The following ZNF536 variants were observed in gnomAD, a reference collection of about 807,000 sequenced individuals.
ZNF536 encodes zinc finger protein 536.
ZNF536 carries 13 observed loss-of-function variants against 84.5 expected under a neutral mutation model. The ratio of observed to expected loss-of-function variants is 0.15; its 90% CI spans 0.10 to 0.24. ZNF536 has a LOEUF of 0.24. Ranked by LOEUF, ZNF536 falls within the 10% of genes least tolerant of loss-of-function variation. ZNF536 has a pLI of 1.00. For synonymous variants in ZNF536, 811 were observed against 742.5 expected, an observed-to-expected ratio of 1.09 and a Z score of -1.50; for missense variants, 1,536 against 1,747.5, an observed-to-expected ratio of 0.88 and a Z score of 2.16.
intron 1 of ZNF536, chr19:30,668,751 T>A (rs1257612392): frequency 6.6e-6 from 1 of 152,290 alleles, no homozygotes; most frequent in African/African-American, 2.4e-5. Flanking sequence ...AGGTGCCCAG[T>A]TCTTGGCTGG....
chr19:30,281,524 G>A (rs2045443975), intron 1 of ZNF536, among the ~76,000 whole-genome samples: 1 of 141,988 alleles, frequency 7.0e-6, no homozygotes, highest in Non-Finnish European at 1.6e-5. Flanking sequence ...GGTATCTGAT[G>A]GGCAGACCTG....
At chr19:30,501,908 G>C (rs554136312) in intron 2 of ZNF536, among the ~76,000 whole-genome samples, 1 of 152,202 alleles carries the variant, frequency 6.6e-6, no homozygotes, top group Non-Finnish European at 1.5e-5. Context: ...TGGAACACTA[G>C]GCATAAATGG....
chr19:30,451,139 G>T (rs1195487053), intron 2 of ZNF536, among the ~76,000 whole-genome samples: 1 of 152,270 alleles, frequency 6.6e-6, no homozygotes, highest in African/African-American at 2.4e-5. Context: ...AAGCCGGCTG[G>T]TCAGGTGGCT....
chr19:30,602,886 T>C (rs1449519931), intron 1 of ZNF536, among the ~76,000 whole-genome samples: 1 of 152,208 alleles, frequency 6.6e-6, no homozygotes, highest in Non-Finnish European at 1.5e-5. Flanking sequence ...GAAAAGCTGC[T>C]TAAAAATAAT....
At chr19:30,617,106 T>C (rs542121525) in intron 1 of ZNF536, among the ~76,000 whole-genome samples, 1 of 151,986 alleles carries the variant, frequency 6.6e-6, no homozygotes, top group African/African-American at 2.4e-5. Flanking sequence ...TGCTTTCTTA[T>C]TGAATAGCCT....
At position 30,548,381 on chromosome 19, in the gene ZNF536, T is replaced by C. The variant is rs1568540740; in HGVS notation, c.2762T>C (p.Phe921Ser). ...GVNFQGSLQA[F>S]MDSFVLSSLK... Reference sequence around the variant, plus strand: ...AATTTCCAAGGGTCCTTGCAAGCTTTCATGGACAGTTTTGTCCTCAGTTCC... The same window carrying C: ...AATTTCCAAGGGTCCTTGCAAGCTTCCATGGACAGTTTTGTCCTCAGTTCC... Residue 921 changes from phenylalanine (F) to serine (S), a missense_variant, in exon 4 of 5, where the codon TTC becomes TCC. Phe to Ser is a radical substitution (Grantham distance 155, BLOSUM62 -2). Transcript: ENST00000355537. The C allele has an allele frequency of 1.2e-6, 2 of 1,613,988 alleles. No individual in the cohort carries two copies. Among genetic ancestry groups the C allele is most frequent in the Non-Finnish European group, 1.7e-6 (2 of 1,179,982 alleles).
rs537317560 is a variant in ZNF536, at chr19:30,707,722, A to G, written c.170-3035A>G. The stretch of plus-strand genomic sequence containing the variant: ...CAGAAGCACTATCCAAAAATGTGTA[A>G]TTCCTGGCAGGGCATGGTGGCTCAC... On this transcript the variant is annotated intron_variant, in intron 1 of 1. Transcript: ENST00000592773. Among the ~76,000 whole-genome samples, 16 of 152,290 alleles carry G rather than the reference A, an allele frequency of 1.1e-4. 1 individual carries two copies. The South Asian group carries it at 3.3e-3, about 32-fold the overall frequency.
At position 30,445,619 on chromosome 19, in the gene ZNF536, C is replaced by G. The variant is rs2148231867; in HGVS notation, c.2057C>G (p.Ser686Cys). 3 of 1,612,836 alleles carry G rather than the reference C, an allele frequency of 1.9e-6. No individual in the cohort carries two copies. Among genetic ancestry groups the G allele is most frequent in the Non-Finnish European group, 2.5e-6 (3 of 1,179,648 alleles). Residue 686 changes from serine (S) to cysteine (C), a missense_variant, in exon 2 of 5, where the codon TCC becomes TGC. Coordinates refer to ENST00000355537, the MANE Select transcript of ZNF536 (RefSeq NM_014717.3). This position sits in a 1 kb window ranked among gnomAD's most constrained non-coding sequence, Gnocchi z 4.5. The stretch of plus-strand genomic sequence containing the variant: ...CAGGAGTCCCAGTCGGTGAGCCGCT[C>G]CACCACGCCGGGCTCCTCTAACGTC... ...SDQESQSVSRSTTPGSSNVTE... is the reference protein window; with the variant it reads ...SDQESQSVSRCTTPGSSNVTE...
At chr19:30,599,969 A>G (rs901534883) in intron 1 of ZNF536, among the ~76,000 whole-genome samples, 4 of 140,286 alleles carry the variant, frequency 2.9e-5, no homozygotes, top group African/African-American at 1.0e-4. Context: ...TGATACAACA[A>G]TTTCCACGGA....
intron 1 of ZNF536, among the ~76,000 whole-genome samples, chr19:30,669,611 T>C (rs1219493028): frequency 6.6e-6 from 1 of 152,154 alleles, no homozygotes; most frequent in Non-Finnish European, 1.5e-5. Flanking sequence ...AATCCCGAGA[T>C]GGCCGCAAGA....
intron 1 of ZNF536, among the ~76,000 whole-genome samples, chr19:30,411,749 T>C (rs1434485034): frequency 6.6e-6 from 1 of 152,130 alleles, no homozygotes; most frequent in Non-Finnish European, 1.5e-5. Flanking sequence ...GTCTTTTTAT[T>C]CTTTCTTAAA....
At chr19:30,568,335 G>T (rs1245113168) in intron 1 of ZNF536, among the ~76,000 whole-genome samples, 1 of 152,176 alleles carries the variant, frequency 6.6e-6, no homozygotes, top group African/African-American at 2.4e-5. Flanking sequence ...CACCTCACGA[G>T]ACCTTGGATA....
At chr19:30,615,673 C>T (rs1007557257) in intron 1 of ZNF536, among the ~76,000 whole-genome samples, 2 of 151,672 alleles carry the variant, frequency 1.3e-5, no homozygotes, top group Admixed American at 6.6e-5. Context: ...TCGGGGGTGG[C>T]AGGGGGAGGA....
chr19:30,601,767 G>A (rs1397251572), intron 1 of ZNF536, among the ~76,000 whole-genome samples: 1 of 152,152 alleles, frequency 6.6e-6, no homozygotes, highest in Non-Finnish European at 1.5e-5. Context: ...GTCTGGGACG[G>A]GTATGTCCTG....
At chr19:30,522,937 G>A (rs746751398) in intron 2 of ZNF536, among the ~76,000 whole-genome samples, 5 of 152,170 alleles carry the variant, frequency 3.3e-5, no homozygotes, top group Non-Finnish European at 5.9e-5. Context: ...CTAACGACCT[G>A]CCGCTTCATC....
intron 2 of ZNF536, among the ~76,000 whole-genome samples, chr19:30,455,378 A>G (rs901926633): frequency 2.0e-5 from 3 of 152,176 alleles, no homozygotes; most frequent in Non-Finnish European, 4.4e-5. Flanking sequence ...GTAAAGATCG[A>G]ATCAGGGTAA....
At chr19:30,379,339 A>G (rs1371800837) in intron 1 of ZNF536, among the ~76,000 whole-genome samples, 1 of 152,086 alleles carries the variant, frequency 6.6e-6, no homozygotes, top group Non-Finnish European at 1.5e-5. Flanking sequence ...GCTGCCCGGC[A>G]TGATGACAGT....
At chr19:30,402,141 A>G (rs1271226800) in intron 1 of ZNF536, among the ~76,000 whole-genome samples, 2 of 152,152 alleles carry the variant, frequency 1.3e-5, no homozygotes, top group Non-Finnish European at 2.9e-5. Context: ...TTTTTCATGT[A>G]TGCATACTAG....
At chr19:30,508,816 C>CTTTTTTTTTTT (rs2055278656) in intron 2 of ZNF536, among the ~76,000 whole-genome samples, 2 of 113,986 alleles carry the variant, frequency 1.8e-5, no homozygotes, top group African/African-American at 6.7e-5. Flanking sequence ...TTCTTTCTTT[C>CTTTTTTTTTTT]TTTCTTTTTT....
Sources: allele counts gnomAD v4.1 joint callset (sites outside exome capture counted in the v4.1 genomes callset), GRCh38; gene constraint gnomAD v4.1.1; non-coding constraint Gnocchi (gnomAD v3.1); transcripts MANE v1.5; gene names NCBI Gene and HGNC (gene_info 2026-07-23, HGNC 2026-07-21).